Variants in PGM3 observed in about 807,000 individuals in gnomAD.
PGM3 encodes the protein phosphoglucomutase 3.
PGM3 carries 40 observed loss-of-function variants against 66.2 expected under a neutral mutation model. That is an observed-to-expected ratio of 0.60 (90% CI 0.47 to 0.79). The LOEUF is 0.79. Among genes scored for constraint, PGM3 ranks in the 30% least tolerant of loss-of-function variants. The pLI is 0.00. For synonymous variants in PGM3, 191 were observed against 224.2 expected (o/e 0.85, Z 1.32); for missense variants, 537 against 643.4 (o/e 0.83, Z 1.79).
downstream of PGM3, chr6:83,156,156 TTA>T (rs1191973904): frequency 6.2e-6 from 9 of 1,456,142 alleles, no homozygotes; most frequent in Non-Finnish European, 8.4e-6. Context: ...TTTTGGTTCC[TTA>T]GAAAATACTT....
downstream of PGM3, chr6:83,158,465 T>C (rs901247713): frequency 2.2e-6 from 2 of 892,246 alleles, no homozygotes; most frequent in African/African-American, 3.4e-5. Flanking sequence ...TGAAAATGTA[T>C]TCTAAAATTT....
chr6:83,159,679 C>A, downstream of PGM3: 1 of 1,130,780 alleles, frequency 8.8e-7, no homozygotes, highest in Non-Finnish European at 1.3e-6. Flanking sequence ...TTAGCAATTA[C>A]TGGCACATTT....
intron 9 of PGM3, 46 bp downstream of exon 9, chr6:83,175,916 T>C (rs1348815763): frequency 1.0e-6 from 1 of 967,362 alleles, no homozygotes; most frequent in Non-Finnish European, 1.7e-6. Flanking sequence ...AGTCTCATCA[T>C]AAAGAAAAGT....
the PGM3 span, chr6:83,154,276 C>T: frequency 6.4e-7 from 1 of 1,574,508 alleles, no homozygotes; most frequent in Non-Finnish European, 8.7e-7. Context: ...AAGTTCTTTC[C>T]TGTACATGGT....
intron 2 of PGM3, among the ~76,000 whole-genome samples, chr6:83,189,888 GA>G (rs1035509816): frequency 6.6e-6 from 1 of 152,200 alleles, no homozygotes; most frequent in Non-Finnish European, 1.5e-5. Flanking sequence ...CCAGACACAT[GA>G]AGACAAATAC....
chr6:83,164,413 A>AC (rs1325643890), downstream of PGM3, among the ~76,000 whole-genome samples: 2 of 151,840 alleles, frequency 1.3e-5, no homozygotes, highest in Non-Finnish European at 2.9e-5. Flanking sequence ...AGCAAATATG[A>AC]CCCCAGGCAC....
At chr6:83,184,102 T>C (rs1788399078) in intron 4 of PGM3, among the ~76,000 whole-genome samples, 1 of 152,006 alleles carries the variant, frequency 6.6e-6, no homozygotes, top group Admixed American at 6.6e-5. Flanking sequence ...GACTATACTT[T>C]CATTGTAAAC....
intron 6 of PGM3, among the ~76,000 whole-genome samples, chr6:83,181,042 GCAGC>G (rs1788145626): frequency 6.6e-6 from 1 of 152,266 alleles, no homozygotes; most frequent in East Asian, 1.9e-4. Context: ...ACACACAAAT[GCAGC>G]CAGCCAAACA....
At chr6:83,175,376 T>C (rs1004156658) in intron 9 of PGM3, among the ~76,000 whole-genome samples, 3 of 152,240 alleles carry the variant, frequency 2.0e-5, no homozygotes, top group African/African-American at 7.2e-5. Flanking sequence ...AAGCCAATTT[T>C]AAATTAATGA....
downstream of PGM3, among the ~76,000 whole-genome samples, chr6:83,158,931 T>C (rs533729222): frequency 7.4e-4 from 112 of 152,298 alleles, no homozygotes; most frequent in African/African-American, 2.6e-3. Context: ...TTGCAACATA[T>C]AGCCAACCCT....
rs746204699 is a variant in PGM3 at position 83,172,061 on chromosome 6, TGCAAATGGGGAA to T, written c.1243-14_1243-3del. The T allele has an allele frequency of 5.1e-5, 82 of 1,612,742 alleles. No individual in the cohort carries two copies. Among genetic ancestry groups the T allele is most frequent in the Admixed American group, 2.2e-4 (13 of 59,744 alleles). On this transcript the variant is annotated splice_polypyrimidine_tract_variant and splice_region_variant and intron_variant, in intron 10 of 12. Transcript: ENST00000513973. ...GTCAGAAATAGCATCACCAGCTGCC[TGCAAATGGGGAA>T]ACAAATGGAAGAAACCACTTAACAC...
chr6:83,159,978 T>C (rs571646469), downstream of PGM3: 61 of 1,611,558 alleles, frequency 3.8e-5, 1 homozygote, highest in South Asian at 6.3e-4. Context: ...AAAGCAAGGA[T>C]ATTAAATGGT....
intron 8 of PGM3, among the ~76,000 whole-genome samples, chr6:83,176,643 G>T (rs1209324226): frequency 6.6e-6 from 1 of 152,164 alleles, no homozygotes; most frequent in Non-Finnish European, 1.5e-5. Context: ...TAGTGAATAG[G>T]GAAAGTCATG....
intron 10 of PGM3, among the ~76,000 whole-genome samples, chr6:83,172,461 C>T (rs985435331): frequency 1.3e-5 from 2 of 152,082 alleles, no homozygotes; most frequent in Admixed American, 6.5e-5. Flanking sequence ...GAATTTGAAA[C>T]CAGCCTGGCC....
At chr6:83,175,600 T>G (rs1248320073) in intron 9 of PGM3, among the ~76,000 whole-genome samples, 1 of 152,216 alleles carries the variant, frequency 6.6e-6, no homozygotes, top group Non-Finnish European at 1.5e-5. Context: ...TCATTTCTTA[T>G]TAATTATCAA....
chr6:83,177,557 T>C (rs550909246), intron 8 of PGM3, among the ~76,000 whole-genome samples: 1 of 152,326 alleles, frequency 6.6e-6, no homozygotes, highest in South Asian at 2.1e-4. Flanking sequence ...ACGCTCACCC[T>C]TTAATATAGC....
In PGM3 at chr6:83,187,037, C is replaced by T; in HGVS notation, c.428G>A (p.Gly143Asp). The T allele has an allele frequency of 3.7e-6, 6 of 1,601,354 alleles. No homozygotes were observed. The highest frequency in any genetic ancestry group is 5.1e-6 in the Non-Finnish European group (6 of 1,169,046). The change falls in exon 4 of 13, where the codon GGT becomes GAT. Residue 143 changes from glycine to aspartate, a missense_variant. By Grantham distance (94) the Gly-to-Asp change is moderately conservative (BLOSUM62 -1). Coordinates refer to ENST00000513973, the MANE Select transcript of PGM3 (RefSeq NM_015599.3). Reference protein sequence around the residue: ...SEKLSQSVIDGVTVLGGQFHD... With the variant: ...SEKLSQSVIDDVTVLGGQFHD... Reference sequence around the variant, plus strand: ...GAATTGACCTCCTAGAACAGTCACACCATCTATTACAGATTGTGAAAGTTT... The same window carrying T: ...GAATTGACCTCCTAGAACAGTCACATCATCTATTACAGATTGTGAAAGTTT...
At chr6:83,185,698 G>T (rs1261623530) in intron 4 of PGM3, among the ~76,000 whole-genome samples, 2 of 152,126 alleles carry the variant, frequency 1.3e-5, no homozygotes, top group East Asian at 3.8e-4. Context: ...GTCAGAAGTT[G>T]CAGTGAGCCA....
downstream of PGM3, among the ~76,000 whole-genome samples, chr6:83,158,084 T>C (rs540271297): frequency 1.3e-4 from 20 of 152,168 alleles, no homozygotes; most frequent in South Asian, 1.7e-3. Flanking sequence ...CTGCAAGCTC[T>C]GCCTCCCGGG....
Sources: gnomAD v4.1 joint callset for allele counts (sites outside exome capture counted in the v4.1 genomes callset) on GRCh38, gnomAD v4.1.1 for gene constraint, MANE v1.5 for transcripts, NCBI Gene and HGNC (gene_info 2026-07-23, HGNC 2026-07-21) for gene names.